SPTA1: variants seen among roughly 807,000 people sequenced by gnomAD.
SPTA1 encodes the protein spectrin alpha, erythrocytic 1, also known as spectrin alpha chain, erythrocytic 1.
A neutral mutation model predicts 324.7 loss-of-function variants in SPTA1; 177 were observed. That is an observed-to-expected ratio of 0.55 (90% CI 0.48 to 0.62). SPTA1 has a LOEUF of 0.62. SPTA1 is among the 20% of genes least tolerant of loss of function. The pLI, the probability that SPTA1 is intolerant of heterozygous loss-of-function variation, is 0.00. For missense variants in SPTA1, 3,162 were observed against 2,883.6 expected (o/e 1.10, Z -2.21); for synonymous variants, 1,195 against 1,041.3 (o/e 1.15, Z -2.84).
intron 39 of SPTA1, among the ~76,000 whole-genome samples, chr1:158,630,253 A>G (rs1434013977): frequency 6.6e-6 from 1 of 152,058 alleles, no homozygotes; most frequent in Non-Finnish European, 1.5e-5. Context: ...AAAATACAGT[A>G]AAAAGCTACA....
chr1:158,683,221 T>C (rs1056832587), intron 3 of SPTA1, 150 bp downstream of exon 3: 14 of 1,070,636 alleles, frequency 1.3e-5, no homozygotes, highest in Non-Finnish European at 1.9e-5. Flanking sequence ...AGATATCCCA[T>C]CATTTTTTAT....
At chr1:158,637,941 T>C in intron 36 of SPTA1, 92 bp downstream of exon 36, 4 of 1,410,628 alleles carry the variant, frequency 2.8e-6, no homozygotes, top group South Asian at 2.3e-5. Flanking sequence ...AAGAAACAAG[T>C]ACAAATTTCA....
chr1:158,653,316 T>C lies in SPTA1; in HGVS notation c.3146A>G (p.Glu1049Gly), dbSNP rs1158119142. The C allele has an allele frequency of 1.9e-6, 3 of 1,614,124 alleles. No homozygotes were observed. The South Asian group carries it at 3.3e-5, about 18-fold the overall frequency. Residue 1049 changes from glutamate (E) to glycine (G), a missense_variant, in exon 22 of 52, where the codon GAG becomes GGG. Glu to Gly is a moderately conservative substitution (Grantham distance 98, BLOSUM62 -2). Coordinates refer to ENST00000643759, the MANE Select transcript of SPTA1 (RefSeq NM_003126.4). ...FPMLPQRRRE[E>G]PGNITQRQEQ... ...CTGGCGCTGGGTGATGTTTCCTGGC[T>C]CTTCTCGTCGCCGCTGTGGGAGCAT...
Position 158,645,310 on chromosome 1 carries a change from T to G in SPTA1, c.4072A>C (p.Ser1358Arg). Residue 1358 changes from serine (S) to arginine (R), a missense_variant, in exon 29 of 52, where the codon AGT becomes CGT. Coordinates refer to ENST00000643759, the MANE Select transcript of SPTA1 (RefSeq NM_003126.4). ...LEDFSAELID[S>R]GHHASPEIEK... ...ATTTCAGGGCTAGCATGGTGCCCACTGTCGATAAGTTCTGCACTGAAGTCC... is the reference window on the plus strand; with the variant it reads ...ATTTCAGGGCTAGCATGGTGCCCACGGTCGATAAGTTCTGCACTGAAGTCC... 1 of 1,614,054 alleles carries G rather than the reference T, an allele frequency of 6.2e-7. No individual in the cohort carries two copies. The highest frequency in any genetic ancestry group is 8.5e-7 in the Non-Finnish European group (1 of 1,179,970).
In SPTA1 at chr1:158,662,917, G is replaced by A. The variant is rs747071065; in HGVS notation, c.2249C>T (p.Ala750Val). ...ATGGCCTATTTCTTCAAAATATGCA[G>A]CCAGGTCTGTAAGGATATCCACCTG... ...QDQVDILTDL[A>V]AYFEEIGHPD... Residue 750 changes from alanine to valine, a missense_variant, in exon 17 of 52, where the codon GCT becomes GTT. Transcript: ENST00000643759. 6 of 1,613,950 alleles carry A rather than the reference G, an allele frequency of 3.7e-6. No individual in the cohort carries two copies. In the African/African-American group the frequency reaches 6.7e-5, roughly 18 times the overall value.
Position 158,669,474 on chromosome 1 carries a change from C to T in SPTA1, c.1767G>A (p.Glu589=), listed in dbSNP as rs1653846264. The change falls in exon 14 of 52, where the codon GAG becomes GAA. Residue 589 remains glutamate, a synonymous_variant. Transcript: ENST00000643759. ...KESLLLQKLY[E]DSDDLKNWIN... is the part of the protein sequence containing the mutation. ...TCCAGTTCTTTAGGTCATCTGAGTCCTCATACAGTTTTTGCAGAAGCAATG... is the reference window on the plus strand; with the variant it reads ...TCCAGTTCTTTAGGTCATCTGAGTCTTCATACAGTTTTTGCAGAAGCAATG... 1 of 1,614,164 alleles carries T rather than the reference C, an allele frequency of 6.2e-7. No individual in the cohort carries two copies.
chr1:158,666,117 C>T (rs1368451038), intron 16 of SPTA1, among the ~76,000 whole-genome samples, 199 bp downstream of exon 16: 1 of 151,980 alleles, frequency 6.6e-6, no homozygotes, highest in Admixed American at 6.6e-5. Flanking sequence ...TGCTCTTTTG[C>T]TCTCTGAATA....
At chr1:158,614,345 T>A in intron 48 of SPTA1, 39 bp from the exon 49 acceptor site, 1 of 1,417,860 alleles carries the variant, frequency 7.1e-7, no homozygotes, top group Non-Finnish European at 9.9e-7. Flanking sequence ...TCCCTGTATA[T>A]GAAACACAGG....
In SPTA1 at chr1:158,672,130, C is replaced by G. The variant is rs140555949; in HGVS notation, c.1417G>C (p.Glu473Gln). 5 of 1,614,108 alleles carry G rather than the reference C, an allele frequency of 3.1e-6. No individual in the cohort carries two copies. Among genetic ancestry groups the G allele is most frequent in the Middle Eastern group, 3.3e-4 (2 of 6,058 alleles). Residue 473 changes from glutamate to glutamine, a missense_variant, in exon 11 of 52, where the codon GAG (glutamate) becomes CAG (glutamine). Coordinates refer to ENST00000643759, the MANE Select transcript of SPTA1 (RefSeq NM_003126.4). ...AAGAGATGAAAGTCCAAGCACTGCT[C>G]ATACTGACGATGACGCTCGTCCCAC... ...ELWDERHRQYEQCLDFHLFYR... is the reference protein window; with the variant it reads ...ELWDERHRQYQQCLDFHLFYR...
At chr1:158,612,728 G>T in intron 51 of SPTA1, 89 bp downstream of exon 51, 2 of 1,437,342 alleles carry the variant, frequency 1.4e-6, no homozygotes, top group Non-Finnish European at 2.0e-6. Context: ...ACAAGTGGGT[G>T]GGTTTTTTCA....
intron 24 of SPTA1, among the ~76,000 whole-genome samples, chr1:158,650,367 C>T (rs750997144): frequency 2.6e-5 from 4 of 152,234 alleles, no homozygotes; most frequent in Admixed American, 6.5e-5. Context: ...TACATTGTTC[C>T]GCTTCGTATT....
chr1:158,651,463 C>T lies in SPTA1; in HGVS notation c.3381G>A (p.Leu1127=), dbSNP rs1393361606. The T allele has an allele frequency of 6.8e-6, 11 of 1,609,876 alleles. No individual in the cohort carries two copies. The East Asian group carries it at 2.5e-4, about 36-fold the overall frequency. Residue 1127 remains leucine, a synonymous_variant, in exon 24 of 52, where the codon TTG becomes TTA. Transcript: ENST00000643759. ...CCCTTAGCCGAGGCTCATTGGTATTCAAATCCTGAATGGGAAAATTCATCC... is the reference window on the plus strand; with the variant it reads ...CCCTTAGCCGAGGCTCATTGGTATTTAAATCCTGAATGGGAAAATTCATCC... ...QKKFDEFQKD[L]NTNEPRLRDI...
intron 48 of SPTA1, 139 bp from the exon 49 acceptor site, chr1:158,614,445 A>C: frequency 1.5e-6 from 1 of 661,128 alleles, no homozygotes; most frequent in Middle Eastern, 3.6e-4. Flanking sequence ...GGCAAACTAT[A>C]GTCCATGGGC....
chr1:158,643,367 T>C lies in SPTA1; in HGVS notation c.4397A>G (p.Tyr1466Cys). 6.2e-7 allele frequency: 1 copy of C among 1,613,932 alleles called. No homozygotes were observed. Among genetic ancestry groups the C allele is most frequent in the African/African-American group, 1.3e-5 (1 of 75,036 alleles). ...CCGCGTAGCAATCTCTTCTTTGGCATAGTGTTCATCAGCAATGAGGCTCTC... is the reference window on the plus strand; with the variant it reads ...CCGCGTAGCAATCTCTTCTTTGGCACAGTGTTCATCAGCAATGAGGCTCTC... ...FAESLIADEHYAKEEIATRLQ... is the reference protein window; with the variant it reads ...FAESLIADEHCAKEEIATRLQ... The change falls in exon 31 of 52, where the codon TAT becomes TGT. Residue 1466 changes from tyrosine (Y) to cysteine (C), a missense_variant. By Grantham distance (194) the Tyr-to-Cys change is radical. Coordinates refer to ENST00000643759, the MANE Select transcript of SPTA1 (RefSeq NM_003126.4).
At chr1:158,658,464 C>A (rs1006995344) in intron 18 of SPTA1, among the ~76,000 whole-genome samples, 5 of 152,266 alleles carry the variant, frequency 3.3e-5, no homozygotes, top group Non-Finnish European at 5.9e-5. Context: ...CAAACAACTT[C>A]TAGGCCTCAA....
At chr1:158,679,806 G>A (rs1654668384) in intron 5 of SPTA1, among the ~76,000 whole-genome samples, 1 of 152,090 alleles carries the variant, frequency 6.6e-6, no homozygotes, top group Non-Finnish European at 1.5e-5. Context: ...TCCACAGCAA[G>A]AGAAAAGTGA....
chr1:158,635,877 C>A (rs753511346), intron 38 of SPTA1, 36 bp downstream of exon 38: 11 of 1,613,922 alleles, frequency 6.8e-6, no homozygotes, highest in Admixed American at 3.3e-5. Context: ...TATCCAAAAT[C>A]CAGGAAGGGA....
chr1:158,639,389 A>G (rs1331661915), intron 35 of SPTA1, 193 bp downstream of exon 35: 12 of 631,832 alleles, frequency 1.9e-5, no homozygotes, highest in Admixed American at 1.3e-4. Flanking sequence ...TAGTTTAGGG[A>G]TAATTGATTA....
chr1:158,674,410 A>T lies in SPTA1; in HGVS notation c.1269T>A (p.Asp423Glu). The T allele has an allele frequency of 1.2e-6, 2 of 1,614,104 alleles. No individual in the cohort carries two copies. The highest frequency in any genetic ancestry group is 1.7e-4 in the Middle Eastern group (1 of 6,058). ...TCTCATCAGCAGATTGAAATCGGTC[A>T]TCGTAAGAGTCAATCTCATGCTGTG... ...QQHKHEIDSYDDRFQSADETG... is the reference protein window; with the variant it reads ...QQHKHEIDSYEDRFQSADETG... The change falls in exon 10 of 52, where the codon GAT becomes GAA. Residue 423 changes from aspartate to glutamate, a missense_variant. Physicochemically the swap from Asp to Glu is conservative, Grantham distance 45. Transcript: ENST00000643759.
Sources: gnomAD v4.1 joint callset for allele counts (sites outside exome capture counted in the v4.1 genomes callset) on GRCh38, gnomAD v4.1.1 for gene constraint, MANE v1.5 for transcripts, NCBI Gene and HGNC (gene_info 2026-07-23, HGNC 2026-07-21) for gene names.